The following ANO2 variants were observed in gnomAD, a reference collection of about 807,000 sequenced individuals.
ANO2 encodes anoctamin-2.
In ANO2, 101 loss-of-function variants were observed where a neutral mutation model predicts 124.2. The ratio of observed to expected loss-of-function variants is 0.81; its 90% confidence interval spans 0.69 to 0.96. ANO2 has a LOEUF of 0.96. Ranked by LOEUF, ANO2 falls within the 40% of genes least tolerant of loss-of-function variation. ANO2 has a pLI of 0.00. For synonymous variants in ANO2, 486 were observed against 482.5 expected (o/e 1.01, Z -0.09); for missense variants, 1,293 against 1,274.5 (o/e 1.01, Z -0.22).
rs747796234 is a variant in ANO2, at chr12:5,586,024, T to C, written c.2234-7506A>G. Among the ~76,000 whole-genome samples, 9 of 152,206 alleles carry C rather than the reference T, an allele frequency of 5.9e-5. No homozygotes were observed. The South Asian group carries it at 1.0e-3, about 17-fold the overall frequency. ...CGTTTACTCTGAGCTTCCCGGTTGT[T>C]AGAGCAAGAAGAGAAATGGGGCAGC... On this transcript the variant is annotated intron_variant, in intron 20 of 24. Coordinates refer to ENST00000682330, the MANE Select transcript of ANO2 (RefSeq NM_001364791.2).
intron 7 of ANO2, among the ~76,000 whole-genome samples, chr12:5,812,369 GAA>G (rs1169944620): frequency 1.8e-5 from 2 of 109,678 alleles, no homozygotes; most frequent in Non-Finnish European, 3.9e-5. Flanking sequence ...GAGAGAGAAA[GAA>G]AAAGAAAGAA....
intron 3 of ANO2, among the ~76,000 whole-genome samples, chr12:5,860,610 A>G (rs1249764472): frequency 2.0e-5 from 3 of 152,246 alleles, no homozygotes; most frequent in East Asian, 3.8e-4. Flanking sequence ...AATCTAATTC[A>G]GTTTTGAGAA....
chr12:5,903,086 G>A (rs370640486), intron 3 of ANO2, among the ~76,000 whole-genome samples: 7 of 151,784 alleles, frequency 4.6e-5, no homozygotes, highest in Non-Finnish European at 8.8e-5. Context: ...AAGGACAAAG[G>A]CTTCTGTCTT....
intron 14 of ANO2, among the ~76,000 whole-genome samples, chr12:5,681,986 T>TTTC (rs1189066597): frequency 6.6e-6 from 1 of 152,230 alleles, no homozygotes; most frequent in Non-Finnish European, 1.5e-5. Flanking sequence ...AAGAGGTCCA[T>TTTC]TTCTTTCCCT....
chr12:5,714,132 T>C (rs2137043294), intron 14 of ANO2, among the ~76,000 whole-genome samples: 1 of 152,330 alleles, frequency 6.6e-6, no homozygotes, highest in South Asian at 2.1e-4. Flanking sequence ...TTCCTACAAG[T>C]AGATTATCTG....
chr12:5,581,191 G>A (rs1942735937), intron 20 of ANO2, among the ~76,000 whole-genome samples: 1 of 152,208 alleles, frequency 6.6e-6, no homozygotes, highest in Non-Finnish European at 1.5e-5. Flanking sequence ...GTGTTTAAGT[G>A]TATGGATGGA....
intron 4 of ANO2, among the ~76,000 whole-genome samples, chr12:5,835,367 T>G (rs1327413746): frequency 6.6e-6 from 1 of 152,098 alleles, no homozygotes; most frequent in Non-Finnish European, 1.5e-5. Context: ...CACAAGGCAG[T>G]GGAAGACACT....
chr12:5,605,162 T>G (rs1944157640), intron 19 of ANO2, among the ~76,000 whole-genome samples: 1 of 152,138 alleles, frequency 6.6e-6, no homozygotes, highest in South Asian at 2.1e-4. Context: ...TGACCAAAGA[T>G]GAGGAACACA....
chr12:5,606,182 C>G (rs145416969), intron 19 of ANO2, among the ~76,000 whole-genome samples: 5 of 152,186 alleles, frequency 3.3e-5, no homozygotes, highest in Admixed American at 3.3e-4. Context: ...GTGGGGCTTC[C>G]ACAGTGGTCC....
At chr12:5,619,551 G>A (rs1945006368) in intron 16 of ANO2, among the ~76,000 whole-genome samples, 1 of 152,126 alleles carries the variant, frequency 6.6e-6, no homozygotes. Context: ...GCAATATGAA[G>A]GAGCTGTGGC....
In ANO2 at chr12:5,908,052, C is replaced by T. The variant is rs558496570; in HGVS notation, c.534+12988G>A. On this transcript the variant is annotated intron_variant, in intron 3 of 24. Coordinates refer to ENST00000682330, the MANE Select transcript of ANO2 (RefSeq NM_001364791.2). This position sits in a 1 kb window ranked among gnomAD's most constrained non-coding sequence, Gnocchi z 4.7. ...AGCAACACACACAAACTCGTAACCACGCACGGGCAGCGTGTGCAGGGAGCC... is the reference window on the plus strand; with the variant it reads ...AGCAACACACACAAACTCGTAACCATGCACGGGCAGCGTGTGCAGGGAGCC... 1.4e-4 allele frequency among the ~76,000 whole-genome samples: 21 copies of T among 152,374 alleles called. 1 individual carries two copies. The South Asian group carries it at 3.7e-3, about 27-fold the overall frequency.
At chr12:5,696,578 G>A (rs1259326257) in intron 14 of ANO2, among the ~76,000 whole-genome samples, 1 of 152,068 alleles carries the variant, frequency 6.6e-6, no homozygotes, top group Non-Finnish European at 1.5e-5. Context: ...TTTCTATAAT[G>A]TATTCCAGAG....
rs539294226 is a variant in ANO2, at chr12:5,584,298, G to A, written c.2234-5780C>T. The stretch of plus-strand genomic sequence containing the variant: ...TGCACCAACCTTCCCCAGAGCTCCC[G>A]GAGGGCCCTTTCTCCTCACTAACAG... On this transcript the variant is annotated intron_variant, in intron 20 of 24. Transcript: ENST00000682330. Among the ~76,000 whole-genome samples, 318 of 152,156 alleles carry A rather than the reference G, an allele frequency of 2.1e-3. 1 individual carries two copies. The highest frequency in any genetic ancestry group is 4.2e-3 in the Admixed American group (64 of 15,282).
intron 1 of ANO2, among the ~76,000 whole-genome samples, chr12:5,928,072 T>C (rs547546389): frequency 5.9e-5 from 9 of 152,210 alleles, no homozygotes; most frequent in African/African-American, 2.2e-4. Context: ...GTGAGTTCAC[T>C]AAGCATGGAA....
chr12:5,932,526 T>C (rs11063922), intron 1 of ANO2, among the ~76,000 whole-genome samples: 3,178 of 36,882 alleles, frequency 0.086, 2 homozygotes, highest in East Asian at 0.2. Flanking sequence ...GGAAAGAAGG[T>C]AGACGAGTGA....
At chr12:5,582,487 C>T (rs1334143650) in intron 20 of ANO2, among the ~76,000 whole-genome samples, 7 of 152,182 alleles carry the variant, frequency 4.6e-5, no homozygotes, top group Admixed American at 4.6e-4. Context: ...CAATATTCAA[C>T]AAGGACGTTT....
At chr12:5,614,761 T>TTA (rs1565477465) in intron 17 of ANO2, among the ~76,000 whole-genome samples, 3 of 152,200 alleles carry the variant, frequency 2.0e-5, no homozygotes, top group African/African-American at 7.2e-5. Flanking sequence ...ATCCCAGAGC[T>TTA]TGCCACTGGT....
intron 14 of ANO2, among the ~76,000 whole-genome samples, chr12:5,666,650 C>A (rs1360005511): frequency 6.6e-6 from 1 of 152,100 alleles, no homozygotes; most frequent in Non-Finnish European, 1.5e-5. Context: ...TAGTCCACCC[C>A]TTTTTTCCCC....
At chr12:5,624,250 G>C (rs1296481242) in intron 16 of ANO2, among the ~76,000 whole-genome samples, 2 of 150,582 alleles carry the variant, frequency 1.3e-5, no homozygotes, top group African/African-American at 5.0e-5. Context: ...TGGAGAGAGA[G>C]AGAGAGAGAG....
Sources: gnomAD v4.1 joint callset for allele counts (sites outside exome capture counted in the v4.1 genomes callset) on GRCh38, gnomAD v4.1.1 for gene constraint, Gnocchi (gnomAD v3.1) non-coding constraint, MANE v1.5 for transcripts, NCBI Gene and HGNC (gene_info 2026-07-23, HGNC 2026-07-21) for gene names.